FAM117A: variants seen among roughly 807,000 people sequenced by gnomAD.
The protein encoded by FAM117A is protein FAM117A.
Under a neutral mutation model 44.1 loss-of-function variants are expected in FAM117A, and 21 were observed. That is an observed-to-expected ratio of 0.48 (90% confidence interval 0.34 to 0.69). The LOEUF (loss-of-function observed/expected upper bound fraction) is 0.69, where lower values mean the gene tolerates loss of function less well. FAM117A is among the 30% of genes least tolerant of loss of function. The pLI is 0.01. For synonymous variants in FAM117A, 220 were observed against 238.3 expected (o/e 0.92, Z 0.71); for missense variants, 498 against 589.9 (o/e 0.84, Z 1.61).
intron 1 of FAM117A, among the ~76,000 whole-genome samples, chr17:49,741,822 T>C (rs967659878): frequency 6.6e-6 from 1 of 152,190 alleles, no homozygotes; most frequent in African/African-American, 2.4e-5. Context: ...GGCCGTCTTC[T>C]GAGCTCCCTG....
chr17:49,758,638 A>AT lies in FAM117A; in HGVS notation c.196+5253_196+5254insA, dbSNP rs1242069731. ...GACTGTCTCAAAAAAAAAAAAAAATAAAATAAATAAATAAATAAATAAATA... is the reference window on the plus strand; with the variant it reads ...GACTGTCTCAAAAAAAAAAAAAAATATAAATAAATAAATAAATAAATAAATA... On this transcript the variant is annotated intron_variant, in intron 1 of 7. Transcript: ENST00000240364. Among the ~76,000 whole-genome samples, 270 of 135,184 alleles carry AT rather than the reference A, an allele frequency of 2.0e-3. 8 individuals are homozygous for AT. The East Asian group carries it at 0.045, about 23-fold the overall frequency. The allele number at this position is 135,184 out of a possible 152,430, so 88.7% of individuals were successfully genotyped here. A position where few individuals can be genotyped will look rare whatever the true frequency, so the allele number is the denominator to read the frequency against.
At chr17:49,763,253 G>C (rs1024638480) in intron 1 of FAM117A, among the ~76,000 whole-genome samples, 4 of 152,040 alleles carry the variant, frequency 2.6e-5, no homozygotes, top group Admixed American at 2.0e-4. Flanking sequence ...ACAGGGAGAA[G>C]AATGCAGGGA....
chr17:49,753,109 C>T (rs965860951), intron 1 of FAM117A, among the ~76,000 whole-genome samples: 5 of 152,194 alleles, frequency 3.3e-5, no homozygotes, highest in Admixed American at 2.6e-4. Context: ...GTGATCTGCC[C>T]GCCTCGGCCT....
At chr17:49,725,766 G>A (rs1488867932) in intron 2 of FAM117A, among the ~76,000 whole-genome samples, 2 of 152,214 alleles carry the variant, frequency 1.3e-5, no homozygotes, top group African/African-American at 4.8e-5. Context: ...ATGTTACCTT[G>A]TATAGTAACG....
intron 5 of FAM117A, chr17:49,719,506 G>A: frequency 2.8e-6 from 1 of 360,478 alleles, no homozygotes; most frequent in Non-Finnish European, 4.9e-6. Context: ...CTCCCAGCGG[G>A]GGGGCCTCCT....
At chr17:49,741,739 G>A (rs539102969) in intron 1 of FAM117A, among the ~76,000 whole-genome samples, 42 of 152,254 alleles carry the variant, frequency 2.8e-4, no homozygotes, top group African/African-American at 8.9e-4. Context: ...CAGTAAGCAC[G>A]GGAAGTTCCT....
chr17:49,747,008 C>T (rs561508613), intron 1 of FAM117A, among the ~76,000 whole-genome samples: 2 of 152,044 alleles, frequency 1.3e-5, no homozygotes, highest in Non-Finnish European at 2.9e-5. Flanking sequence ...GGAAACTGTA[C>T]GCAGATGAGT....
At chr17:49,784,809 G>C (rs762731321) in intron 1 of FAM117A, among the ~76,000 whole-genome samples, 1 of 152,150 alleles carries the variant, frequency 6.6e-6, no homozygotes, top group Non-Finnish European at 1.5e-5. Flanking sequence ...GTGCTCACTG[G>C]CTTGTCTTCC....
At chr17:49,717,973 G>C (rs1379226998) in intron 5 of FAM117A, 1 of 325,388 alleles carries the variant, frequency 3.1e-6, no homozygotes, top group Non-Finnish European at 5.6e-6. Context: ...TTCACCTGTA[G>C]GGCTTGATCA....
intron 1 of FAM117A, among the ~76,000 whole-genome samples, chr17:49,746,010 A>G (rs1419165706): frequency 1.3e-5 from 2 of 152,208 alleles, no homozygotes; most frequent in Admixed American, 6.5e-5. Context: ...TAATGATGGT[A>G]TTATGATTAT....
chr17:49,735,965 A>G (rs902860539), intron 1 of FAM117A, among the ~76,000 whole-genome samples: 1 of 152,256 alleles, frequency 6.6e-6, no homozygotes, highest in African/African-American at 2.4e-5. Context: ...TGAACTGTAG[A>G]AAAGTCAGGA....
intron 1 of FAM117A, among the ~76,000 whole-genome samples, chr17:49,755,373 A>G (rs145485885): frequency 1.3e-3 from 193 of 152,304 alleles, no homozygotes; most frequent in African/African-American, 4.4e-3. Flanking sequence ...TCTTCTTGCT[A>G]CACAGAACAC....
chr17:49,738,275 C>A (rs1041264889), intron 1 of FAM117A, among the ~76,000 whole-genome samples: 2 of 152,316 alleles, frequency 1.3e-5, no homozygotes, highest in African/African-American at 4.8e-5. Flanking sequence ...ATGTGAGAAT[C>A]CAACCAACGC....
intron 6 of FAM117A, 146 bp downstream of exon 6, chr17:49,717,367 A>G (rs888831996): frequency 3.2e-6 from 2 of 632,112 alleles, no homozygotes; most frequent in Non-Finnish European, 5.5e-6. Flanking sequence ...TATCATTGGT[A>G]TAATGTGCAG....
At chr17:49,764,188 C>CGTA, upstream of FAM117A, 4 of 572,634 alleles carry the variant, frequency 7.0e-6, no homozygotes, top group Non-Finnish European at 8.1e-6. Context: ...GGACCGGCCC[C>CGTA]CTCATCCTAG....
chr17:49,723,759 G>A (rs575114730), intron 2 of FAM117A, among the ~76,000 whole-genome samples: 3 of 152,128 alleles, frequency 2.0e-5, no homozygotes, highest in Admixed American at 2.0e-4. Flanking sequence ...ACGGCCGTAT[G>A]TGACAGCTGC....
chr17:49,745,551 C>T (rs911400683), intron 1 of FAM117A, among the ~76,000 whole-genome samples: 2 of 152,186 alleles, frequency 1.3e-5, no homozygotes, highest in Non-Finnish European at 2.9e-5. Flanking sequence ...TTATGTATCT[C>T]CTAAAGTGAC....
At chr17:49,781,918 G>A (rs371895808) in intron 1 of FAM117A, among the ~76,000 whole-genome samples, 7 of 152,148 alleles carry the variant, frequency 4.6e-5, no homozygotes, top group African/African-American at 1.7e-4. Flanking sequence ...TAAGTTTGCA[G>A]TGAGAGGTGA....
At chr17:49,741,017 C>T (rs1477377401) in intron 1 of FAM117A, among the ~76,000 whole-genome samples, 1 of 152,058 alleles carries the variant, frequency 6.6e-6, no homozygotes, top group Non-Finnish European at 1.5e-5. Flanking sequence ...GGACGTGCTC[C>T]ACTTATTTCA....
Sources: gnomAD v4.1 joint callset for allele counts (sites outside exome capture counted in the v4.1 genomes callset) on GRCh38, gnomAD v4.1.1 for gene constraint, MANE v1.5 for transcripts, NCBI Gene and HGNC (gene_info 2026-07-23, HGNC 2026-07-21) for gene names.